NELL1: variants seen among roughly 807,000 people sequenced by gnomAD.
The protein encoded by NELL1 is neural EGFL like 1.
Under a neutral mutation model 107.4 loss-of-function variants are expected in NELL1, and 76 were observed. The ratio of observed to expected loss-of-function variants is 0.71; its 90% confidence interval spans 0.59 to 0.86. The LOEUF is 0.86. NELL1 is among the 40% of genes least tolerant of loss of function. The pLI, the probability that NELL1 is intolerant of heterozygous loss-of-function variation, is 0.00. For synonymous variants in NELL1, 353 were observed against 341.2 expected, an observed-to-expected ratio of 1.03 and a Z score of -0.38; for missense variants, 1,024 against 1,005.5, an observed-to-expected ratio of 1.02 and a Z score of -0.25.
intron 15 of NELL1, among the ~76,000 whole-genome samples, chr11:21,529,720 T>C (rs939496717): frequency 1.3e-5 from 2 of 152,158 alleles, no homozygotes; most frequent in African/African-American, 2.4e-5. Context: ...TGCAAGTTGA[T>C]ATTATTATAT....
intron 2 of NELL1, among the ~76,000 whole-genome samples, chr11:20,756,994 G>T (rs1301364503): frequency 6.6e-6 from 1 of 152,144 alleles, no homozygotes; most frequent in Admixed American, 6.5e-5. Context: ...CAGACTGGAA[G>T]AGAACAGACT....
At chr11:21,415,888 T>C (rs996332252) in intron 15 of NELL1, among the ~76,000 whole-genome samples, 8 of 152,232 alleles carry the variant, frequency 5.3e-5, no homozygotes, top group African/African-American at 1.9e-4. Flanking sequence ...CATCAGGGAC[T>C]GTTATTTCCA....
chr11:20,963,670 G>C (rs1851333955), intron 12 of NELL1, among the ~76,000 whole-genome samples: 1 of 152,076 alleles, frequency 6.6e-6, no homozygotes, highest in South Asian at 2.1e-4. Context: ...TAGGAACAGA[G>C]ACTCTCTGAG....
At chr11:21,421,622 A>G (rs1431814612) in intron 15 of NELL1, among the ~76,000 whole-genome samples, 2 of 149,956 alleles carry the variant, frequency 1.3e-5, no homozygotes, top group African/African-American at 4.9e-5. Flanking sequence ...ACTGTAAGCT[A>G]CTCCTTCTCC....
chr11:21,044,478 A>G (rs1008502684), intron 12 of NELL1, among the ~76,000 whole-genome samples: 25 of 152,184 alleles, frequency 1.6e-4, no homozygotes, highest in African/African-American at 5.8e-4. Context: ...AGGGCAGATC[A>G]GGGGACAAAT....
chr11:20,678,104 G>C, intron 2 of NELL1, 44 bp downstream of exon 2: 1 of 1,611,532 alleles, frequency 6.2e-7, no homozygotes, highest in African/African-American at 1.3e-5. Flanking sequence ...GGTTGGGGAG[G>C]AGGGTCTGTC....
intron 14 of NELL1, among the ~76,000 whole-genome samples, chr11:21,365,798 A>G (rs1428389487): frequency 6.6e-6 from 1 of 150,426 alleles, no homozygotes; most frequent in Non-Finnish European, 1.5e-5. Context: ...GATATTTTAA[A>G]CTATTTTGGG....
chr11:20,674,499 G>C (rs1228724334), intron 1 of NELL1: 1 of 1,536,070 alleles, frequency 6.5e-7, no homozygotes, highest in Admixed American at 2.0e-5. Context: ...CAGAAGATAT[G>C]AAGCCACCCG....
chr11:20,957,403 T>C (rs1851197799), intron 11 of NELL1, among the ~76,000 whole-genome samples: 1 of 152,180 alleles, frequency 6.6e-6, no homozygotes, highest in South Asian at 2.1e-4. Context: ...CTCAGACCCC[T>C]GACAGAAGGA....
intron 4 of NELL1, among the ~76,000 whole-genome samples, chr11:20,883,227 C>A (rs1392880328): frequency 6.6e-6 from 1 of 152,200 alleles, no homozygotes; most frequent in Admixed American, 6.5e-5. Flanking sequence ...ACCACTTTGA[C>A]ACATGTGCCC....
chr11:21,012,111 G>A (rs188494938), intron 12 of NELL1, among the ~76,000 whole-genome samples: 28 of 152,140 alleles, frequency 1.8e-4, no homozygotes, highest in African/African-American at 6.3e-4. Flanking sequence ...GAATAACATA[G>A]GCCACCCCCA....
At chr11:21,224,736 A>G (rs1435949751) in intron 13 of NELL1, among the ~76,000 whole-genome samples, 1 of 152,162 alleles carries the variant, frequency 6.6e-6, no homozygotes, top group Non-Finnish European at 1.5e-5. Flanking sequence ...CTAGCCTATT[A>G]TTGACATTCT....
At chr11:20,776,913 G>GC (rs1856762566) in intron 2 of NELL1, among the ~76,000 whole-genome samples, 1 of 152,196 alleles carries the variant, frequency 6.6e-6, no homozygotes, top group African/African-American at 2.4e-5. Context: ...ACCTCTCTGT[G>GC]CCTCAGTTCC....
At position 20,721,177 on chromosome 11, in the gene NELL1, T is replaced by TTG. The variant is rs890950166; in HGVS notation, c.184+43121_184+43122dup. Among the ~76,000 whole-genome samples the TTG allele has an allele frequency of 4.1e-4, 14 of 34,020 alleles. No homozygotes were observed. In the South Asian group the frequency reaches 5.8e-3, roughly 14 times the overall value. The allele number at this position is 34,020 out of a possible 152,430, so 22.3% of individuals were successfully genotyped here. A position where few individuals can be genotyped will look rare whatever the true frequency, so the allele number is the denominator to read the frequency against. On this transcript the variant is annotated intron_variant, in intron 2 of 19. Coordinates refer to ENST00000357134, the MANE Select transcript of NELL1 (RefSeq NM_006157.5). The stretch of plus-strand genomic sequence containing the variant: ...AACCAATGAGATATAGATATATATT[T>TTG]TGTGTATATATATATATATAGTGTA...
chr11:20,765,690 G>A (rs2133962587), intron 2 of NELL1, among the ~76,000 whole-genome samples: 1 of 152,258 alleles, frequency 6.6e-6, no homozygotes, highest in South Asian at 2.1e-4. Context: ...GGCCAAGAAG[G>A]AGGCCAAGAA....
chr11:21,550,840 A>G (rs1856561189), intron 16 of NELL1, among the ~76,000 whole-genome samples: 2 of 151,792 alleles, frequency 1.3e-5, no homozygotes, highest in South Asian at 4.2e-4. Flanking sequence ...TTTTGGTTCC[A>G]TATGAACTTT....
intron 3 of NELL1, among the ~76,000 whole-genome samples, chr11:20,807,901 G>T (rs1371510353): frequency 6.6e-6 from 1 of 152,136 alleles, no homozygotes; most frequent in Non-Finnish European, 1.5e-5. Flanking sequence ...TCTTCAGTCA[G>T]CTTGTGGTAA....
At chr11:21,130,114 T>G (rs1855581158) in intron 13 of NELL1, among the ~76,000 whole-genome samples, 1 of 152,226 alleles carries the variant, frequency 6.6e-6, no homozygotes, top group South Asian at 2.1e-4. Flanking sequence ...AATTTAATTT[T>G]TTTTAAGTTT....
At chr11:21,024,874 T>A (rs1852779302) in intron 12 of NELL1, among the ~76,000 whole-genome samples, 1 of 152,164 alleles carries the variant, frequency 6.6e-6, no homozygotes, top group Non-Finnish European at 1.5e-5. Flanking sequence ...GTCTTGTGAA[T>A]GAAATGTCCT....
Sources: allele counts gnomAD v4.1 joint callset (sites outside exome capture counted in the v4.1 genomes callset), GRCh38; gene constraint gnomAD v4.1.1; transcripts MANE v1.5; gene names NCBI Gene and HGNC (gene_info 2026-07-23, HGNC 2026-07-21).